The following SIN3A variants were observed in gnomAD, a reference collection of about 807,000 sequenced individuals.
SIN3A encodes SIN3 transcription regulator family member A.
In SIN3A, 14 loss-of-function variants were observed where a neutral mutation model predicts 146.1. The observed-to-expected ratio is 0.10, with a 90% confidence interval of 0.06 to 0.15. SIN3A has a LOEUF of 0.15. SIN3A is among the 10% of genes least tolerant of loss of function. The probability of loss-of-function intolerance (pLI) is 1.00; values close to 1 mark genes in which losing one functional copy is unlikely to be tolerated. For synonymous variants in SIN3A, 572 were observed against 572.0 expected, an observed-to-expected ratio of 1.00 and a Z score of 0.00; for missense variants, 1,028 against 1,576.0, an observed-to-expected ratio of 0.65 and a Z score of 5.89.
At chr15:75,429,964 G>A (rs2073987230) in intron 2 of SIN3A, 1 of 466,044 alleles carries the variant, frequency 2.1e-6, no homozygotes, top group Admixed American at 3.9e-5. Flanking sequence ...TCTGAAGGGA[G>A]GGAAAAGAAG....
intron 2 of SIN3A, 191 bp downstream of exon 2, chr15:75,429,996 G>A (rs1259011884): frequency 1.8e-6 from 1 of 563,080 alleles, no homozygotes; most frequent in Non-Finnish European, 3.1e-6. Flanking sequence ...GGATACGCAG[G>A]GAACTTCAAA....
At chr15:75,403,604 G>T (rs1241403250) in intron 9 of SIN3A, among the ~76,000 whole-genome samples, 1 of 148,860 alleles carries the variant, frequency 6.7e-6, no homozygotes, top group African/African-American at 2.5e-5. Flanking sequence ...GCAATGGCGC[G>T]ATCTCAGCTC....
Position 75,410,021 on chromosome 15 carries a change from C to T in SIN3A, c.1162-30G>A, listed in dbSNP as rs202136308. On this transcript the variant is annotated intron_variant, in intron 7 of 20. Transcript: ENST00000394947. ...TTAAGACACATGAATGAGATTAATG[C>T]TCTTATCAAAGCAAACAAATATCAT... 1.8e-4 allele frequency: 288 copies of T among 1,611,788 alleles called. No individual in the cohort carries two copies. In the African/African-American group the frequency reaches 2.7e-3, roughly 15 times the overall value.
At chr15:75,399,717 A>G (rs1362473146) in intron 12 of SIN3A, among the ~76,000 whole-genome samples, 2 of 152,268 alleles carry the variant, frequency 1.3e-5, no homozygotes, top group Non-Finnish European at 2.9e-5. Flanking sequence ...TATAAACCTT[A>G]GGATACTGAT....
At chr15:75,449,584 G>A (rs1275974100) in intron 1 of SIN3A, among the ~76,000 whole-genome samples, 1 of 152,172 alleles carries the variant, frequency 6.6e-6, no homozygotes, top group Non-Finnish European at 1.5e-5. Context: ...GGAGGGCAAC[G>A]CTACAGAAGT....
chr15:75,380,545 G>T, intron 19 of SIN3A, 84 bp downstream of exon 19: 1 of 1,021,068 alleles, frequency 9.8e-7, no homozygotes, highest in East Asian at 2.4e-5. Flanking sequence ...AATATGTGAA[G>T]GCCAAGAACG....
chr15:75,442,011 T>G (rs1229673928), intron 1 of SIN3A, among the ~76,000 whole-genome samples: 1 of 150,714 alleles, frequency 6.6e-6, no homozygotes, highest in African/African-American at 2.4e-5. Flanking sequence ...TCCCAGCTAC[T>G]CGGGAGGCTG....
chr15:75,422,559 A>C (rs752292312), intron 3 of SIN3A, 88 bp downstream of exon 3: 4 of 1,402,284 alleles, frequency 2.9e-6, no homozygotes, highest in Non-Finnish European at 4.0e-6. Flanking sequence ...CTCAGGTTAG[A>C]AGTTGTACCA....
chr15:75,439,653 T>C (rs2074167908), intron 1 of SIN3A, among the ~76,000 whole-genome samples: 1 of 151,756 alleles, frequency 6.6e-6, no homozygotes, highest in African/African-American at 2.4e-5. Flanking sequence ...CCATCAATGC[T>C]TCTTTTACGG....
At chr15:75,454,537 A>G (rs2074459807), upstream of SIN3A, among the ~76,000 whole-genome samples, 1 of 149,274 alleles carries the variant, frequency 6.7e-6, no homozygotes, top group Non-Finnish European at 1.5e-5. Context: ...CGCGGCCGCC[A>G]TCCCGGCTGA....
At chr15:75,387,684 A>G (rs1232852110) in intron 16 of SIN3A, among the ~76,000 whole-genome samples, 1 of 152,086 alleles carries the variant, frequency 6.6e-6, no homozygotes, top group Non-Finnish European at 1.5e-5. Flanking sequence ...AATTATTAAA[A>G]GTTAGTTTTA....
chr15:75,378,321 T>G (rs60510690), intron 19 of SIN3A, among the ~76,000 whole-genome samples: 1 of 152,086 alleles, frequency 6.6e-6, no homozygotes, highest in Non-Finnish European at 1.5e-5. Context: ...TCACAGCACT[T>G]TGGGAGGCCG....
At chr15:75,447,279 G>A (rs553567036) in intron 1 of SIN3A, among the ~76,000 whole-genome samples, 1 of 152,350 alleles carries the variant, frequency 6.6e-6, no homozygotes, top group Admixed American at 6.5e-5. Context: ...GACTAGGGCA[G>A]TGGAGATGCA....
chr15:75,434,959 A>G (rs917365966), intron 1 of SIN3A, among the ~76,000 whole-genome samples: 10 of 152,076 alleles, frequency 6.6e-5, no homozygotes, highest in Non-Finnish European at 1.2e-4. Flanking sequence ...AAGAAAAAAA[A>G]AAGTAATTTA....
At chr15:75,442,814 C>T (rs544181454) in intron 1 of SIN3A, among the ~76,000 whole-genome samples, 51 of 151,780 alleles carry the variant, frequency 3.4e-4, no homozygotes, top group Non-Finnish European at 4.1e-4. Flanking sequence ...TGCCTGTAAT[C>T]CCAGCTACTT....
chr15:75,410,384 A>C (rs2073609875), intron 6 of SIN3A, 98 bp from the exon 7 acceptor site: 2 of 1,203,086 alleles, frequency 1.7e-6, no homozygotes, highest in African/African-American at 3.0e-5. Context: ...TTTAGGCTGC[A>C]TGTAAGAAGA....
rs1407282508 is a variant in SIN3A at position 75,384,453 on chromosome 15, G to A, written c.3022-16C>T. ...TATGCTGCAGCTGGAAGCAAACAAA[G>A]GCAAGCTTTTAGTGAACACAGAAAA... is the stretch of plus-strand genomic sequence containing the variant. On this transcript the variant is annotated splice_polypyrimidine_tract_variant and intron_variant, in intron 16 of 20. Coordinates refer to ENST00000394947, the MANE Select transcript of SIN3A (RefSeq NM_001145358.2). 1 of 1,578,802 alleles carries A rather than the reference G, an allele frequency of 6.3e-7. No homozygotes were observed. Among genetic ancestry groups the A allele is most frequent in the Non-Finnish European group, 8.6e-7 (1 of 1,161,850 alleles).
intron 11 of SIN3A, 96 bp from the exon 12 acceptor site, chr15:75,400,252 T>C (rs866278060): frequency 1.4e-5 from 10 of 692,546 alleles, no homozygotes; most frequent in African/African-American, 1.8e-5. Context: ...AGCAGAGAAA[T>C]AGGCAACTAA....
intron 1 of SIN3A, among the ~76,000 whole-genome samples, chr15:75,444,017 T>C (rs1432850457): frequency 6.6e-6 from 1 of 152,202 alleles, no homozygotes; most frequent in Non-Finnish European, 1.5e-5. Flanking sequence ...TTTAGCATAT[T>C]TGAGAATTGA....
Sources: allele counts gnomAD v4.1 joint callset (sites outside exome capture counted in the v4.1 genomes callset), GRCh38; gene constraint gnomAD v4.1.1; transcripts MANE v1.5; gene names NCBI Gene and HGNC (gene_info 2026-07-23, HGNC 2026-07-21).